Variants in ARSB observed in about 807,000 individuals in gnomAD.
The protein encoded by ARSB is N-acetylgalactosamine-4-sulfatase.
Under a neutral mutation model 50.9 loss-of-function variants are expected in ARSB, and 41 were observed. The ratio of observed to expected loss-of-function variants is 0.81; its 90% CI spans 0.63 to 1.04. The LOEUF (loss-of-function observed/expected upper bound fraction) is 1.04, where lower values mean the gene tolerates loss of function less well. Among genes scored for constraint, ARSB ranks in the 50% least tolerant of loss-of-function variants. The pLI, the probability that ARSB is intolerant of heterozygous loss-of-function variation, is 0.00. For missense variants in ARSB, 672 were observed against 693.3 expected, an observed-to-expected ratio of 0.97 and a Z score of 0.35; for synonymous variants, 269 against 284.8, an observed-to-expected ratio of 0.94 and a Z score of 0.56.
intron 4 of ARSB, among the ~76,000 whole-genome samples, chr5:78,910,988 A>G (rs1205649557): frequency 6.6e-6 from 1 of 152,172 alleles, no homozygotes; most frequent in African/African-American, 2.4e-5. Context: ...AAGTGATCTT[A>G]CTCTGTATTT....
intron 4 of ARSB, among the ~76,000 whole-genome samples, chr5:78,940,892 A>C (rs1264865629): frequency 2.6e-5 from 4 of 152,156 alleles, no homozygotes; most frequent in Non-Finnish European, 5.9e-5. Context: ...CCATTTTCAC[A>C]ATATTGATTC....
chr5:78,798,706 C>A (rs148996407), intron 6 of ARSB, among the ~76,000 whole-genome samples: 9 of 152,344 alleles, frequency 5.9e-5, no homozygotes, highest in East Asian at 1.9e-4. Context: ...GCCCTGCCCA[C>A]GGAATCAGCC....
In ARSB at chr5:78,885,598, C is replaced by T. The variant is rs1747981444; in HGVS notation, c.1128G>A (p.Val376=). The change falls in exon 5 of 8, where the codon GTG becomes GTA. Residue 376 remains valine, a synonymous_variant. Transcript: ENST00000264914. ...NGTKPLDGFD[V]WKTISEGSPS... is the part of the protein sequence containing the mutation. ...GGTGTAGGTACCTGATGGTTTTCCA[C>T]ACGTCGAAGCCATCCAGAGGCTTTG... 3 of 1,613,902 alleles carry T rather than the reference C, an allele frequency of 1.9e-6. No homozygotes were observed. The highest frequency in any genetic ancestry group is 2.5e-6 in the Non-Finnish European group (3 of 1,180,020).
chr5:78,896,542 A>G (rs1488038272), intron 4 of ARSB, among the ~76,000 whole-genome samples: 3 of 152,232 alleles, frequency 2.0e-5, no homozygotes. Context: ...ATTACTATGC[A>G]TATGTGTGAG....
intron 4 of ARSB, among the ~76,000 whole-genome samples, chr5:78,894,037 G>A (rs145133041): frequency 8.0e-4 from 121 of 152,194 alleles, no homozygotes; most frequent in African/African-American, 2.6e-3. Context: ...CCCACTGAAC[G>A]TGGCCAGATA....
chr5:78,942,320 G>A lies in ARSB; in HGVS notation c.898+12975C>T, dbSNP rs185968047. ...TGATCTTAGTTATTCCTTGCCTTCTGCTAGCTTTTGAATGGGTTTGCTCTT... is the reference window on the plus strand; with the variant it reads ...TGATCTTAGTTATTCCTTGCCTTCTACTAGCTTTTGAATGGGTTTGCTCTT... On this transcript the variant is annotated intron_variant, in intron 4 of 7. Transcript: ENST00000264914. 2.5e-3 allele frequency among the ~76,000 whole-genome samples: 373 copies of A among 151,790 alleles called. 1 individual carries two copies. The highest frequency in any genetic ancestry group is 8.7e-3 in the African/African-American group (358 of 41,362).
chr5:78,817,138 G>A, intron 6 of ARSB: 1 of 984,562 alleles, frequency 1.0e-6, no homozygotes, highest in Non-Finnish European at 1.2e-6. Context: ...TCTCTACTGG[G>A]AGAGATAAAG....
intron 5 of ARSB, among the ~76,000 whole-genome samples, chr5:78,879,133 C>T (rs1389717990): frequency 6.6e-6 from 1 of 152,142 alleles, no homozygotes; most frequent in African/African-American, 2.4e-5. Context: ...GGATTATAGG[C>T]GTGAGCCACC....
rs374507921 is a variant in ARSB at position 78,824,161 on chromosome 5, C to T, written c.1213+15195G>A. ...GGCCTCATCATAAGCTGAGCAGATGCTGGTGCCATGCTTGTACAGCCTGCA... is the reference window on the plus strand; with the variant it reads ...GGCCTCATCATAAGCTGAGCAGATGTTGGTGCCATGCTTGTACAGCCTGCA... On this transcript the variant is annotated intron_variant, in intron 6 of 7. Coordinates refer to ENST00000264914, the MANE Select transcript of ARSB (RefSeq NM_000046.5). 5.3e-5 allele frequency among the ~76,000 whole-genome samples: 8 copies of T among 152,336 alleles called. No individual in the cohort carries two copies. In the East Asian group the frequency reaches 1.3e-3, roughly 26 times the overall value.
intron 5 of ARSB, among the ~76,000 whole-genome samples, chr5:78,854,384 C>G (rs149942922): frequency 2.2e-4 from 33 of 152,296 alleles, no homozygotes; most frequent in African/African-American, 7.5e-4. Context: ...TTCCTCTTAA[C>G]ACTTCTTTTG....
At chr5:78,853,277 C>T (rs1334817753) in intron 5 of ARSB, among the ~76,000 whole-genome samples, 1 of 152,198 alleles carries the variant, frequency 6.6e-6, no homozygotes, top group South Asian at 2.1e-4. Flanking sequence ...TTCTAACAGA[C>T]AGGACCCTCA....
Position 78,780,416 on chromosome 5 carries a change from AC to A in ARSB, c.1582del (p.Val528CysfsTer46). On this transcript the variant is annotated frameshift_variant, in exon 8 of 8. Transcript: ENST00000264914. LOFTEE classifies it high-confidence loss of function. ...DPRCDPKATG[V>X]WGPWM ...GAAATCCTACATCCAAGGGCCCCAC[AC>A]CCCAGTGGCCTTGGGATCACAGCGG... 1 of 1,614,042 alleles carries A rather than the reference AC, an allele frequency of 6.2e-7. No individual in the cohort carries two copies. The highest frequency in any genetic ancestry group is 8.5e-7 in the Non-Finnish European group (1 of 1,180,006).
At chr5:78,780,796 G>A in intron 7 of ARSB, 134 bp from the exon 8 acceptor site, 3 of 1,047,290 alleles carry the variant, frequency 2.9e-6, no homozygotes, top group Non-Finnish European at 4.3e-6. Flanking sequence ...CCTAGATGCT[G>A]TCTCTAGATG....
At chr5:78,837,120 A>G (rs1744990266) in intron 6 of ARSB, among the ~76,000 whole-genome samples, 1 of 152,178 alleles carries the variant, frequency 6.6e-6, no homozygotes, top group Admixed American at 6.5e-5. Context: ...ACCATATCAC[A>G]TAGGAGTATA....
intron 1 of ARSB, among the ~76,000 whole-genome samples, chr5:78,974,383 T>C (rs995317594): frequency 3.3e-5 from 5 of 152,192 alleles, no homozygotes; most frequent in African/African-American, 1.2e-4. Flanking sequence ...CACAAAGGGA[T>C]GTTGTTTGTA....
chr5:78,940,860 TA>T (rs1442740601), intron 4 of ARSB, among the ~76,000 whole-genome samples: 1 of 152,198 alleles, frequency 6.6e-6, no homozygotes, highest in African/African-American at 2.4e-5. Context: ...ATTGAATCTA[TA>T]AATTACCTTG....
At chr5:78,970,390 T>C (rs773218093) in intron 1 of ARSB, among the ~76,000 whole-genome samples, 1 of 152,242 alleles carries the variant, frequency 6.6e-6, no homozygotes, top group African/African-American at 2.4e-5. Context: ...AAGTTATTTA[T>C]GTTAATATAG....
chr5:78,833,545 A>C (rs1164837454), intron 6 of ARSB, among the ~76,000 whole-genome samples: 1 of 152,196 alleles, frequency 6.6e-6, no homozygotes, highest in African/African-American at 2.4e-5. Context: ...CAGGTCATGA[A>C]GCTGGGAGGC....
At chr5:78,839,597 C>T (rs1171487696) in intron 5 of ARSB, among the ~76,000 whole-genome samples, 171 bp from the exon 6 acceptor site, 2 of 152,126 alleles carry the variant, frequency 1.3e-5, no homozygotes, top group East Asian at 1.9e-4. Flanking sequence ...AAGCAGTCAT[C>T]GTTTGTTTAC....
Sources: allele counts gnomAD v4.1 joint callset (sites outside exome capture counted in the v4.1 genomes callset), GRCh38; gene constraint gnomAD v4.1.1; transcripts MANE v1.5; gene names NCBI Gene and HGNC (gene_info 2026-07-23, HGNC 2026-07-21).